NDUFA10: variants seen among roughly 807,000 people sequenced by gnomAD.
NDUFA10 encodes NADH:ubiquinone oxidoreductase subunit A10, also known as NADH dehydrogenase [ubiquinone] 1 alpha subcomplex subunit 10, mitochondrial.
Under a neutral mutation model 47.8 loss-of-function variants are expected in NDUFA10, and 40 were observed. That is an observed-to-expected ratio of 0.84 (90% CI 0.65 to 1.09). The LOEUF is 1.09. Among genes scored for constraint, NDUFA10 ranks in the 50% least tolerant of loss-of-function variants. The pLI is 0.00. For missense variants in NDUFA10, 413 were observed against 451.1 expected (o/e 0.92, Z 0.76); for synonymous variants, 183 against 172.2 (o/e 1.06, Z -0.49).
At chr2:239,938,218 G>A (rs1415148918) in intron 4 of NDUFA10, among the ~76,000 whole-genome samples, 2 of 152,266 alleles carry the variant, frequency 1.3e-5, no homozygotes, top group East Asian at 3.9e-4. Flanking sequence ...ATAACAGCAT[G>A]TAGCTCACAG....
chr2:239,973,445 A>C, intron 9 of NDUFA10: 1 of 457,338 alleles, frequency 2.2e-6, no homozygotes, highest in South Asian at 1.6e-5. Flanking sequence ...AAAAATGGTA[A>C]GGGAGAACTC....
At chr2:239,933,458 C>G (rs1196495409) in intron 4 of NDUFA10, among the ~76,000 whole-genome samples, 2 of 152,112 alleles carry the variant, frequency 1.3e-5, no homozygotes, top group Non-Finnish European at 2.9e-5. Flanking sequence ...CCAGTCCTGC[C>G]ACCACTGCTG....
intron 4 of NDUFA10, among the ~76,000 whole-genome samples, chr2:239,912,596 G>GA (rs879806326): frequency 2.0e-5 from 3 of 151,870 alleles, no homozygotes; most frequent in Non-Finnish European, 4.4e-5. Flanking sequence ...GCCACGTGGG[G>GA]CTCAGCATTG....
chr2:239,896,285 C>G (rs1253966034), intron 4 of NDUFA10, among the ~76,000 whole-genome samples: 1 of 152,228 alleles, frequency 6.6e-6, no homozygotes, highest in African/African-American at 2.4e-5. Flanking sequence ...TTCCAAAACA[C>G]AAGTTCAAAG....
At chr2:239,943,715 C>A (rs374910307) in intron 4 of NDUFA10, among the ~76,000 whole-genome samples, 1 of 152,114 alleles carries the variant, frequency 6.6e-6, no homozygotes, top group Non-Finnish European at 1.5e-5. Context: ...CACTCAGCAC[C>A]GACCGCCCCT....
chr2:239,959,815 G>A lies in NDUFA10; in HGVS notation c.*1303C>T, dbSNP rs575940810. The stretch of plus-strand genomic sequence containing the variant: ...GACAGATGGAAGGAAGAAAGGAAGG[G>A]AGGGAAGGAGGAGGAAAGAAGGAGG... On this transcript the variant is annotated 3_prime_UTR_variant, in exon 10 of 10. Transcript: ENST00000252711. 1,175 of 876,546 alleles carry A rather than the reference G, an allele frequency of 1.3e-3. 4 individuals carry two copies. The highest frequency in any genetic ancestry group is 1.5e-3 in the Non-Finnish European group (1,125 of 731,014). 54.3% of individuals were successfully genotyped at this position (876,546 alleles called of 1,614,324 possible). A position where few individuals can be genotyped will look rare whatever the true frequency, so the allele number is the denominator to read the frequency against.
intron 5 of NDUFA10, chr2:240,011,995 T>C (rs919519671): frequency 1.5e-5 from 6 of 395,492 alleles, no homozygotes; most frequent in Admixed American, 7.3e-5. Flanking sequence ...CTGCCTGTCT[T>C]TCCTGTCTGC....
intron 9 of NDUFA10, among the ~76,000 whole-genome samples, chr2:239,983,873 T>C (rs1044547623): frequency 2.1e-4 from 32 of 152,126 alleles, no homozygotes; most frequent in Non-Finnish European, 8.8e-5. Flanking sequence ...AGACGGGGTA[T>C]TGGAACAGAA....
intron 4 of NDUFA10, among the ~76,000 whole-genome samples, chr2:239,917,873 G>A (rs1212129959): frequency 6.6e-6 from 1 of 152,196 alleles, no homozygotes; most frequent in East Asian, 1.9e-4. Flanking sequence ...AGCCCCTCTG[G>A]GAAGATGGCA....
intron 9 of NDUFA10, among the ~76,000 whole-genome samples, chr2:239,986,384 G>A (rs891201978): frequency 6.6e-5 from 10 of 152,190 alleles, no homozygotes; most frequent in Non-Finnish European, 1.2e-4. Context: ...GCTACGCCCC[G>A]TGGGATTCCG....
Position 239,987,841 on chromosome 2 carries a change from A to G in NDUFA10, c.999+2233T>C, listed in dbSNP as rs982672874. On this transcript the variant is annotated intron_variant, in intron 9 of 9. Coordinates refer to ENST00000252711, the MANE Select transcript of NDUFA10 (RefSeq NM_004544.4). This position sits in a 1 kb window ranked among gnomAD's most constrained non-coding sequence, Gnocchi z 4.8. ...CGACCGAGATCATGCAAAACATGCG[A>G]GTGGGTACTCTGCTCTGGAACTGGA... Among the ~76,000 whole-genome samples the G allele has an allele frequency of 2.0e-5, 3 of 152,218 alleles. No homozygotes were observed. The highest frequency in any genetic ancestry group is 7.2e-5 in the African/African-American group (3 of 41,450).
At position 240,014,711 on chromosome 2, in the gene NDUFA10, C is replaced by CT. The variant is rs1697271787; in HGVS notation, c.669+27dup. The CT allele has an allele frequency of 3.7e-6, 6 of 1,614,070 alleles. No individual in the cohort carries two copies. The African/African-American group carries it at 5.3e-5, about 14-fold the overall frequency. ...CTGATCTACATTCAAAATAGAGATG[C>CT]TTGGCCTTTGATTGAAAACTGCATT... On this transcript the variant is annotated intron_variant, in intron 5 of 9. Transcript: ENST00000252711.
intron 4 of NDUFA10, among the ~76,000 whole-genome samples, chr2:239,938,959 A>T (rs1694314706): frequency 1.3e-5 from 2 of 152,246 alleles, no homozygotes; most frequent in Non-Finnish European, 1.5e-5. Flanking sequence ...TCCTCGGCGG[A>T]AAGACGCTGC....
chr2:240,012,832 A>G (rs752323889), intron 5 of NDUFA10: 4 of 152,204 alleles, frequency 2.6e-5, no homozygotes, highest in African/African-American at 4.8e-5. Context: ...CTATTTTCCA[A>G]TAAGGACTTG....
chr2:239,960,279 G>GT lies in NDUFA10; in HGVS notation c.*838dup. 1 of 985,610 alleles carries GT rather than the reference G, an allele frequency of 1.0e-6. No individual in the cohort carries two copies. Among genetic ancestry groups the GT allele is most frequent in the Non-Finnish European group, 1.2e-6 (1 of 830,092 alleles). 61.1% of individuals were successfully genotyped at this position (985,610 alleles called of 1,614,324 possible). On this transcript the variant is annotated 3_prime_UTR_variant, in exon 10 of 10. Coordinates refer to ENST00000252711, the MANE Select transcript of NDUFA10 (RefSeq NM_004544.4). Reference sequence around the variant, plus strand: ...CATGATGCTGAACCACAACCAGCTTGTTTTGGTTTTCTAGGCTTCAACAGA... The same window carrying GT: ...CATGATGCTGAACCACAACCAGCTTGTTTTTGGTTTTCTAGGCTTCAACAGA...
chr2:240,014,675 G>T, intron 5 of NDUFA10, 64 bp downstream of exon 5: 1 of 1,605,658 alleles, frequency 6.2e-7, no homozygotes, highest in Non-Finnish European at 8.5e-7. Context: ...ATTAAAACAG[G>T]GCTTTTAGTG....
intron 4 of NDUFA10, among the ~76,000 whole-genome samples, chr2:239,902,717 GCT>G (rs1693575889): frequency 6.6e-6 from 1 of 152,092 alleles, no homozygotes; most frequent in African/African-American, 2.4e-5. Flanking sequence ...CCTGGTGTGC[GCT>G]GTTTGTGGGA....
chr2:239,911,666 A>AGT (rs1271984352), intron 4 of NDUFA10, among the ~76,000 whole-genome samples: 5 of 86,278 alleles, frequency 5.8e-5, no homozygotes, highest in African/African-American at 2.2e-4. Context: ...CCAAAACATG[A>AGT]GAGAGTGTGT....
At chr2:239,929,661 C>T (rs1200460478) in intron 4 of NDUFA10, among the ~76,000 whole-genome samples, 2 of 150,598 alleles carry the variant, frequency 1.3e-5, no homozygotes, top group Admixed American at 1.3e-4. Flanking sequence ...CCTGCTTCTC[C>T]ACCACCCCTG....
Sources: gnomAD v4.1 joint callset for allele counts (sites outside exome capture counted in the v4.1 genomes callset) on GRCh38, gnomAD v4.1.1 for gene constraint, Gnocchi (gnomAD v3.1) non-coding constraint, MANE v1.5 for transcripts, NCBI Gene and HGNC (gene_info 2026-07-23, HGNC 2026-07-21) for gene names.